The following SLC4A10 variants were observed in gnomAD, a reference collection of about 807,000 sequenced individuals.
SLC4A10 encodes sodium-driven chloride bicarbonate exchanger.
In SLC4A10, 42 loss-of-function variants were observed where a neutral mutation model predicts 137.7. The ratio of observed to expected loss-of-function variants is 0.30; its 90% CI spans 0.24 to 0.39. SLC4A10 has a LOEUF of 0.39. SLC4A10 is among the 10% of genes least tolerant of loss of function. The pLI, the probability that SLC4A10 is intolerant of heterozygous loss-of-function variation, is 1.00. For synonymous variants in SLC4A10, 474 were observed against 464.1 expected, an observed-to-expected ratio of 1.02 and a Z score of -0.27; for missense variants, 925 against 1,355.0, an observed-to-expected ratio of 0.68 and a Z score of 4.98.
At chr2:161,700,368 A>T (rs867424830) in intron 1 of SLC4A10, among the ~76,000 whole-genome samples, 1 of 152,146 alleles carries the variant, frequency 6.6e-6, no homozygotes, top group South Asian at 2.1e-4. Context: ...TCTTTGTCCC[A>T]GGATTGTGAG....
intron 8 of SLC4A10, among the ~76,000 whole-genome samples, chr2:161,875,936 G>A (rs949847794): frequency 1.3e-5 from 2 of 152,266 alleles, no homozygotes; most frequent in Admixed American, 1.3e-4. Flanking sequence ...AGGGGCTGAA[G>A]GCTTAAATTT....
At chr2:161,752,349 GA>G (rs2049077029) in intron 1 of SLC4A10, among the ~76,000 whole-genome samples, 1 of 151,884 alleles carries the variant, frequency 6.6e-6, no homozygotes, top group Non-Finnish European at 1.5e-5. Flanking sequence ...TTTGGCCCAT[GA>G]AGAGCTCAAA....
At chr2:161,909,899 T>C (rs1315118622) in intron 15 of SLC4A10, among the ~76,000 whole-genome samples, 1 of 152,160 alleles carries the variant, frequency 6.6e-6, no homozygotes, top group African/African-American at 2.4e-5. Context: ...CTGTGACCTT[T>C]TCACACTGAA....
At chr2:161,837,319 AC>A (rs1433087639) in intron 3 of SLC4A10, among the ~76,000 whole-genome samples, 1 of 152,202 alleles carries the variant, frequency 6.6e-6, no homozygotes, top group Non-Finnish European at 1.5e-5. Flanking sequence ...AAAATTGGAA[AC>A]AAATTAAAAA....
rs759933033 is a variant in SLC4A10, at chr2:161,950,816, G to C, written c.2509G>C (p.Val837Leu). Residue 837 changes from valine to leucine, a missense_variant, in exon 19 of 27, where the codon GTC becomes CTC. Physicochemically the swap from Val to Leu is conservative, Grantham distance 32. Around this residue, in one of 11 missense-constraint regions of SLC4A10, gnomAD observed 82 missense variants for 151.4 expected, o/e 0.54. Coordinates refer to ENST00000446997, the MANE Select transcript of SLC4A10 (RefSeq NM_001178015.2). ...TTTTATGGACCAACAGATTACAGCT[G>C]TCATCATCAACAGGAAAGAGCATAA... Reference protein sequence around the residue: ...LIFMDQQITAVIINRKEHKLK... With the variant: ...LIFMDQQITALIINRKEHKLK... 2.5e-6 allele frequency: 4 copies of C among 1,605,664 alleles called. No homozygotes were observed. The East Asian group carries it at 9.0e-5, about 36-fold the overall frequency.
intron 1 of SLC4A10, among the ~76,000 whole-genome samples, chr2:161,680,061 T>C (rs975687735): frequency 1.2e-4 from 18 of 152,112 alleles, no homozygotes; most frequent in African/African-American, 1.7e-4. Flanking sequence ...GTGTTTCCCT[T>C]TGTATTTCTT....
intron 2 of SLC4A10, among the ~76,000 whole-genome samples, chr2:161,792,422 T>A (rs1488572393): frequency 6.6e-6 from 1 of 152,098 alleles, no homozygotes; most frequent in Non-Finnish European, 1.5e-5. Context: ...TAACACTATA[T>A]TTTTGTTTTA....
At chr2:161,728,680 C>T (rs1233056412) in intron 1 of SLC4A10, among the ~76,000 whole-genome samples, 2 of 151,892 alleles carry the variant, frequency 1.3e-5, no homozygotes, top group Non-Finnish European at 2.9e-5. Context: ...AAATAGAAGA[C>T]AAAAAAGACA....
At chr2:161,778,694 T>C (rs2125459712) in intron 2 of SLC4A10, among the ~76,000 whole-genome samples, 1 of 152,056 alleles carries the variant, frequency 6.6e-6, no homozygotes, top group Non-Finnish European at 1.5e-5. Flanking sequence ...ATTCAGGAAT[T>C]CATAAAAGTA....
chr2:161,659,668 G>A (rs560767089), intron 1 of SLC4A10, among the ~76,000 whole-genome samples: 20 of 152,126 alleles, frequency 1.3e-4, no homozygotes, highest in Non-Finnish European at 2.6e-4. Context: ...AAAATGAATT[G>A]CAAAGGAAAA....
intron 1 of SLC4A10, among the ~76,000 whole-genome samples, chr2:161,766,983 A>T (rs985341103): frequency 2.7e-4 from 40 of 150,444 alleles, no homozygotes. Context: ...GATGCACAGG[A>T]GAGCTGACCT....
Position 161,901,980 on chromosome 2 carries a change from A to AT in SLC4A10, c.1442+976dup, listed in dbSNP as rs1340324044. The AT allele has an allele frequency of 1.1e-5, 5 of 454,490 alleles. No individual in the cohort carries two copies. The East Asian group carries it at 2.8e-4, about 25-fold the overall frequency. 28.2% of individuals were successfully genotyped at this position (454,490 alleles called of 1,614,324 possible). On this transcript the variant is annotated intron_variant, in intron 12 of 26. Transcript: ENST00000446997. Reference sequence around the variant, plus strand: ...AGGTGTAACATGCCACATAGCTTAGATTTTTTTCGAAGTTCACTTTTCCTT... The same window carrying AT: ...AGGTGTAACATGCCACATAGCTTAGATTTTTTTTCGAAGTTCACTTTTCCTT...
intron 1 of SLC4A10, among the ~76,000 whole-genome samples, chr2:161,633,527 C>G (rs1284038017): frequency 6.6e-6 from 1 of 151,468 alleles, no homozygotes; most frequent in Admixed American, 6.6e-5. Flanking sequence ...CTTTTCTTAC[C>G]TACAAAATAG....
At position 161,910,757 on chromosome 2, in the gene SLC4A10, G is replaced by C. The variant is rs370954419; in HGVS notation, c.1997+4870G>C. On this transcript the variant is annotated intron_variant, in intron 15 of 26. Coordinates refer to ENST00000446997, the MANE Select transcript of SLC4A10 (RefSeq NM_001178015.2). ...TCTTTTTCTCTTTTTTGTTTATCTA[G>C]CACCCAGCCCTGTACATAACCCAAA... Among the ~76,000 whole-genome samples, 5 of 151,902 alleles carry C rather than the reference G, an allele frequency of 3.3e-5. No homozygotes were observed. The South Asian group carries it at 1.0e-3, about 32-fold the overall frequency.
intron 1 of SLC4A10, among the ~76,000 whole-genome samples, chr2:161,736,437 G>C (rs1373968730): frequency 6.6e-6 from 1 of 152,116 alleles, no homozygotes; most frequent in East Asian, 1.9e-4. Flanking sequence ...TCTGAGATTG[G>C]GTAATTTATA....
intron 15 of SLC4A10, among the ~76,000 whole-genome samples, chr2:161,918,830 T>C (rs764409784): frequency 6.6e-6 from 1 of 152,272 alleles, no homozygotes; most frequent in Non-Finnish European, 1.5e-5. Flanking sequence ...GTAGGGGAGC[T>C]GCATGCTCTG....
chr2:161,761,414 A>G (rs985655898), intron 1 of SLC4A10, among the ~76,000 whole-genome samples: 1 of 152,008 alleles, frequency 6.6e-6, no homozygotes, highest in African/African-American at 2.4e-5. Flanking sequence ...TGAAGAGAGT[A>G]AACATGGCAT....
intron 1 of SLC4A10, among the ~76,000 whole-genome samples, chr2:161,644,308 C>T (rs1307052491): frequency 6.6e-6 from 1 of 151,954 alleles, no homozygotes; most frequent in Non-Finnish European, 1.5e-5. Context: ...ACTAGCCTGG[C>T]AACACAGCGA....
chr2:161,828,050 C>G (rs548293005), intron 3 of SLC4A10, among the ~76,000 whole-genome samples: 6 of 152,214 alleles, frequency 3.9e-5, no homozygotes, highest in African/African-American at 1.4e-4. Flanking sequence ...ACTTTGGTCC[C>G]CAGCTCTCCA....
Sources: gnomAD v4.1 joint callset for allele counts (sites outside exome capture counted in the v4.1 genomes callset) on GRCh38, gnomAD v4.1.1 for gene constraint, gnomAD v4.1.1 regional missense constraint, MANE v1.5 for transcripts, NCBI Gene and HGNC (gene_info 2026-07-23, HGNC 2026-07-21) for gene names.